Variants in PPFIBP2 observed in about 807,000 individuals in gnomAD.
PPFIBP2 encodes the protein PPFIB scaffold protein 2, also known as liprin-beta-2.
Under a neutral mutation model 118.3 loss-of-function variants are expected in PPFIBP2, and 118 were observed. The ratio of observed to expected loss-of-function variants is 1.00; its 90% CI spans 0.86 to 1.16. PPFIBP2 has a LOEUF of 1.16. Ranked by LOEUF, PPFIBP2 falls within the 50% of genes most tolerant of loss-of-function variation. The probability of loss-of-function intolerance (pLI) is 0.00; values close to 1 mark genes in which losing one functional copy is unlikely to be tolerated. For synonymous variants in PPFIBP2, 414 were observed against 397.4 expected, an observed-to-expected ratio of 1.04 and a Z score of -0.50; for missense variants, 1,195 against 1,073.1, an observed-to-expected ratio of 1.11 and a Z score of -1.59.
chr11:7,601,095 C>T (rs1861343902), intron 5 of PPFIBP2, among the ~76,000 whole-genome samples: 1 of 152,202 alleles, frequency 6.6e-6, no homozygotes, highest in Admixed American at 6.5e-5. Context: ...AGCTGTCTCT[C>T]TCCATGCTGC....
downstream of PPFIBP2, among the ~76,000 whole-genome samples, chr11:7,660,156 A>C (rs1171346246): frequency 1.6e-5 from 2 of 127,334 alleles, 1 homozygote; most frequent in Non-Finnish European, 3.7e-5. Context: ...CTCCTGCCTA[A>C]TTGCCCTGGC....
intron 1 of PPFIBP2, among the ~76,000 whole-genome samples, chr11:7,534,412 T>C (rs1428361653): frequency 6.6e-6 from 1 of 152,224 alleles, no homozygotes; most frequent in Admixed American, 6.5e-5. Flanking sequence ...CACTTTGAGG[T>C]TGCATTTGAA....
the PPFIBP2 span, chr11:7,666,240 G>C: frequency 3.4e-6 from 2 of 594,474 alleles, no homozygotes; most frequent in South Asian, 2.1e-5. Flanking sequence ...TGATGTATTA[G>C]ACACCTGCTC....
chr11:7,657,466 C>T (rs1274544101), downstream of PPFIBP2, among the ~76,000 whole-genome samples: 5 of 152,160 alleles, frequency 3.3e-5, no homozygotes, highest in Non-Finnish European at 7.3e-5. Flanking sequence ...TCTGCCTCCA[C>T]CCAAGCTGAC....
rs1853899657 is a variant in PPFIBP2, at chr11:7,650,926, A to C, written c.2208A>C (p.Ala736=). Residue 736 remains alanine, a synonymous_variant, in exon 22 of 24, where the codon GCA becomes GCC. Transcript: ENST00000299492. ...WLRSVDLAEY[A]PNLRGSGVHG... ...GATCTGTGGACCTGGCAGAGTATGC[A>C]CCCAATCTTCGAGGGAGTGGAGTCC... 2 of 1,614,080 alleles carry C rather than the reference A, an allele frequency of 1.2e-6. No individual in the cohort carries two copies. Among genetic ancestry groups the C allele is most frequent in the East Asian group, 2.2e-5 (1 of 44,882 alleles).
chr11:7,537,100 GGGTGGCTTCTA>G (rs1344841348), intron 1 of PPFIBP2, among the ~76,000 whole-genome samples: 2 of 152,140 alleles, frequency 1.3e-5, no homozygotes, highest in African/African-American at 4.8e-5. Flanking sequence ...TGGGAAGAGT[GGGTGGCTTCTA>G]GGTGGCTCCC....
chr11:7,661,960 G>C (rs1854898206), downstream of PPFIBP2, among the ~76,000 whole-genome samples: 1 of 130,286 alleles, frequency 7.7e-6, no homozygotes, highest in East Asian at 2.0e-4. Flanking sequence ...TCAGAGACTA[G>C]GGTTGCAACC....
At chr11:7,550,044 G>T (rs1237047110) in intron 2 of PPFIBP2, among the ~76,000 whole-genome samples, 4 of 152,056 alleles carry the variant, frequency 2.6e-5, no homozygotes, top group Admixed American at 1.3e-4. Flanking sequence ...TCAACTGTTT[G>T]GTTTTAATAT....
intron 2 of PPFIBP2, among the ~76,000 whole-genome samples, chr11:7,560,621 A>G (rs1338125791): frequency 6.6e-6 from 1 of 152,196 alleles, no homozygotes; most frequent in Non-Finnish European, 1.5e-5. Context: ...TTAATCTTTG[A>G]CTACGTGTCT....
chr11:7,590,651 C>T (rs1177916687), intron 3 of PPFIBP2, among the ~76,000 whole-genome samples: 2 of 152,208 alleles, frequency 1.3e-5, no homozygotes, highest in Non-Finnish European at 2.9e-5. Context: ...TGTCAAAGTG[C>T]TCTGAACAGT....
the PPFIBP2 span, chr11:7,666,235 T>C: frequency 1.7e-6 from 1 of 594,040 alleles, no homozygotes; most frequent in Non-Finnish European, 3.0e-6. Flanking sequence ...GCTGCTGATG[T>C]ATTAGACACC....
chr11:7,593,111 T>C, intron 3 of PPFIBP2, 21 bp from the exon 4 acceptor site: 1 of 1,578,118 alleles, frequency 6.3e-7, no homozygotes, highest in Non-Finnish European at 8.7e-7. Flanking sequence ...AAGTGTATTC[T>C]TTTTTTTCTG....
intron 3 of PPFIBP2, among the ~76,000 whole-genome samples, chr11:7,569,502 C>T (rs1413340707): frequency 2.0e-5 from 3 of 152,126 alleles, no homozygotes; most frequent in Non-Finnish European, 2.9e-5. Flanking sequence ...ATGGGGATAC[C>T]CTCTGGGGCC....
In PPFIBP2 at chr11:7,597,481, G is replaced by A. The variant is rs1860558435; in HGVS notation, c.373-79G>A. The A allele has an allele frequency of 9.1e-6, 14 of 1,531,762 alleles. 1 individual carries two copies. In the South Asian group the frequency reaches 1.2e-4, roughly 13 times the overall value. The allele number at this position is 1,531,762 out of a possible 1,614,324, so 94.9% of individuals were successfully genotyped here. A position where few individuals can be genotyped will look rare whatever the true frequency, so the allele number is the denominator to read the frequency against. On this transcript the variant is annotated intron_variant, in intron 4 of 23. Transcript: ENST00000299492. ...GTAAGAGTCAGTGGTGAGATTTAACGGCTCCCCTGAGGTGGGGAGGCTTTC... is the reference window on the plus strand; with the variant it reads ...GTAAGAGTCAGTGGTGAGATTTAACAGCTCCCCTGAGGTGGGGAGGCTTTC...
At chr11:7,651,055 G>GAA in intron 22 of PPFIBP2, 90 bp downstream of exon 22, 1 of 1,345,666 alleles carries the variant, frequency 7.4e-7, no homozygotes, top group Non-Finnish European at 1.0e-6. Flanking sequence ...AAAAGCTAAC[G>GAA]AAAAAAAATA....
chr11:7,527,065 C>T (rs1850293506), intron 1 of PPFIBP2, among the ~76,000 whole-genome samples: 1 of 150,518 alleles, frequency 6.6e-6, no homozygotes, highest in African/African-American at 2.4e-5. Flanking sequence ...TCCAGGAGGA[C>T]ACTGGTCACA....
At chr11:7,560,074 G>T (rs1230210174) in intron 2 of PPFIBP2, among the ~76,000 whole-genome samples, 1 of 152,182 alleles carries the variant, frequency 6.6e-6, no homozygotes, top group African/African-American at 2.4e-5. Context: ...CCTGCTCTGA[G>T]ATTTTCTGAA....
intron 11 of PPFIBP2, among the ~76,000 whole-genome samples, chr11:7,631,453 C>A (rs969438069): frequency 3.9e-5 from 6 of 152,124 alleles, no homozygotes; most frequent in African/African-American, 1.4e-4. Flanking sequence ...GAGGAATTAA[C>A]TGCAACCTCT....
At chr11:7,665,454 G>A in the PPFIBP2 span, 1 of 1,613,756 alleles carries the variant, frequency 6.2e-7, no homozygotes, top group African/African-American at 1.3e-5. Flanking sequence ...AGTGGTGGCG[G>A]GCCACACACC....
Sources: gnomAD v4.1 joint callset for allele counts (sites outside exome capture counted in the v4.1 genomes callset) on GRCh38, gnomAD v4.1.1 for gene constraint, MANE v1.5 for transcripts, NCBI Gene and HGNC (gene_info 2026-07-23, HGNC 2026-07-21) for gene names.